Variants in UST observed in about 807,000 individuals in gnomAD.
The protein encoded by UST is chondroitin sulfate 2-O-sulfotransferase.
Under a neutral mutation model 45.6 loss-of-function variants are expected in UST, and 21 were observed. The observed-to-expected ratio is 0.46, with a 90% CI of 0.33 to 0.66. The LOEUF (loss-of-function observed/expected upper bound fraction) is 0.66, where lower values mean the gene tolerates loss of function less well. Ranked by LOEUF, UST falls within the 30% of genes least tolerant of loss-of-function variation. The probability of loss-of-function intolerance (pLI) is 0.02; values close to 1 mark genes in which losing one functional copy is unlikely to be tolerated. For synonymous variants in UST, 215 were observed against 200.6 expected (o/e 1.07, Z -0.61); for missense variants, 463 against 512.4 (o/e 0.90, Z 0.93).
chr6:148,913,171 G>A (rs1304155989), intron 2 of UST, among the ~76,000 whole-genome samples: 1 of 152,152 alleles, frequency 6.6e-6, no homozygotes, highest in Non-Finnish European at 1.5e-5. Context: ...CCAATCATTA[G>A]GGAAATTGCC....
intron 3 of UST, among the ~76,000 whole-genome samples, chr6:148,947,176 G>A (rs1264230842): frequency 6.6e-6 from 1 of 152,128 alleles, no homozygotes; most frequent in Non-Finnish European, 1.5e-5. Context: ...TAGACAGTGG[G>A]AAGCTATTCC....
At chr6:149,025,044 A>T (rs1396395526) in intron 7 of UST, among the ~76,000 whole-genome samples, 1 of 152,208 alleles carries the variant, frequency 6.6e-6, no homozygotes, top group African/African-American at 2.4e-5. Context: ...AAGAAAAAAC[A>T]CTAATAGCAA....
chr6:148,765,400 A>G (rs1415685171), intron 1 of UST, among the ~76,000 whole-genome samples: 2 of 152,210 alleles, frequency 1.3e-5, no homozygotes, highest in Non-Finnish European at 2.9e-5. Context: ...AGATAATGCT[A>G]TCCCTCCAGC....
At chr6:148,940,698 G>A (rs1780108907) in intron 2 of UST, among the ~76,000 whole-genome samples, 1 of 152,084 alleles carries the variant, frequency 6.6e-6, no homozygotes, top group Non-Finnish European at 1.5e-5. Context: ...CTTCTTGGTT[G>A]TTTATTATAC....
At chr6:148,924,137 T>C (rs1283144588) in intron 2 of UST, among the ~76,000 whole-genome samples, 1 of 152,236 alleles carries the variant, frequency 6.6e-6, no homozygotes, top group Admixed American at 6.5e-5. Flanking sequence ...GTCAGCAAAC[T>C]ATGACCCATA....
chr6:149,052,668 A>G (rs1250458306), intron 7 of UST, among the ~76,000 whole-genome samples: 2 of 152,184 alleles, frequency 1.3e-5, no homozygotes, highest in Non-Finnish European at 2.9e-5. Flanking sequence ...GGTAGCTAGA[A>G]AAGTAGGATT....
intron 7 of UST, among the ~76,000 whole-genome samples, chr6:149,022,086 G>T (rs1582963339): frequency 6.6e-6 from 1 of 152,226 alleles, no homozygotes; most frequent in Non-Finnish European, 1.5e-5. Flanking sequence ...TACAAGGGCT[G>T]CCTGTGGTAT....
chr6:149,035,671 T>C (rs923837783), intron 7 of UST, among the ~76,000 whole-genome samples: 1 of 151,650 alleles, frequency 6.6e-6, no homozygotes, highest in Non-Finnish European at 1.5e-5. Flanking sequence ...GGTGGGAGGA[T>C]CGCTTGAGCC....
chr6:148,789,151 C>T (rs1776789169), intron 1 of UST, among the ~76,000 whole-genome samples: 1 of 152,200 alleles, frequency 6.6e-6, no homozygotes, highest in African/African-American at 2.4e-5. Flanking sequence ...CTACTAGGTT[C>T]TTGGCACAAT....
intron 1 of UST, among the ~76,000 whole-genome samples, chr6:148,749,253 A>G (rs978992599): frequency 5.1e-4 from 78 of 151,866 alleles, no homozygotes; most frequent in Admixed American, 4.4e-3. Context: ...AGCTTCCTCC[A>G]CTCTCTGACA....
At chr6:148,941,506 A>G (rs895626846) in intron 3 of UST, 72 bp downstream of exon 3, 2 of 1,487,584 alleles carry the variant, frequency 1.3e-6, no homozygotes, top group Non-Finnish European at 1.8e-6. Context: ...GGTGCCTTAC[A>G]GGTCATCCTT....
At chr6:148,814,144 C>G (rs939802312) in intron 1 of UST, among the ~76,000 whole-genome samples, 1 of 152,206 alleles carries the variant, frequency 6.6e-6, no homozygotes, top group South Asian at 2.1e-4. Flanking sequence ...AAGGACAGGA[C>G]TCTGGTTGTT....
intron 1 of UST, among the ~76,000 whole-genome samples, chr6:148,868,962 G>A (rs756862099): frequency 1.9e-4 from 29 of 152,074 alleles, no homozygotes; most frequent in African/African-American, 3.9e-4. Context: ...ACCACTCCCC[G>A]TTTCACACCA....
chr6:149,014,600 C>T (rs1775866636), intron 5 of UST, among the ~76,000 whole-genome samples: 1 of 152,136 alleles, frequency 6.6e-6, no homozygotes, highest in Non-Finnish European at 1.5e-5. Flanking sequence ...GTCTCCTTTT[C>T]CTGGACCCAA....
intron 1 of UST, among the ~76,000 whole-genome samples, chr6:148,881,725 T>C (rs879296594): frequency 7.2e-5 from 11 of 152,088 alleles, no homozygotes; most frequent in Non-Finnish European, 1.6e-4. Context: ...CACCATCGAC[T>C]CCTTGACAAG....
intron 7 of UST, among the ~76,000 whole-genome samples, chr6:149,049,693 GC>G (rs1426664049): frequency 6.6e-6 from 1 of 152,130 alleles, no homozygotes; most frequent in Non-Finnish European, 1.5e-5. Context: ...TTCTTTTCCT[GC>G]ACCCGCAGCA....
intron 7 of UST, among the ~76,000 whole-genome samples, chr6:149,063,821 C>A (rs1477815797): frequency 6.6e-6 from 1 of 152,126 alleles, no homozygotes; most frequent in African/African-American, 2.4e-5. Context: ...TCGCTTTTGT[C>A]CTGATCACTC....
chr6:148,967,358 T>TG (rs1202323826), intron 5 of UST, among the ~76,000 whole-genome samples: 4 of 142,974 alleles, frequency 2.8e-5, no homozygotes, highest in South Asian at 5.1e-4. Context: ...AGCCTGGTGG[T>TG]GGGGGGGAGG....
chr6:149,049,908 GTC>G (rs138243742), intron 7 of UST, among the ~76,000 whole-genome samples: 1,682 of 142,356 alleles, frequency 0.012, 34 homozygotes, highest in Admixed American at 0.043. Flanking sequence ...AACTCACCTT[GTC>G]TCTCTCTCTC....
Sources: allele counts gnomAD v4.1 joint callset (sites outside exome capture counted in the v4.1 genomes callset), GRCh38; gene constraint gnomAD v4.1.1; transcripts MANE v1.5; gene names NCBI Gene and HGNC (gene_info 2026-07-23, HGNC 2026-07-21).